DISP3: variants seen among roughly 807,000 people sequenced by gnomAD.
DISP3 encodes the protein protein dispatched homolog 3.
DISP3 carries 101 observed loss-of-function variants against 135.3 expected under a neutral mutation model. The observed-to-expected ratio is 0.75, with a 90% CI of 0.64 to 0.88. The LOEUF (loss-of-function observed/expected upper bound fraction) is 0.88. Ranked by LOEUF, DISP3 falls within the 40% of genes least tolerant of loss-of-function variation. The probability of loss-of-function intolerance (pLI) is 0.00; values close to 1 mark genes in which losing one functional copy is unlikely to be tolerated. For synonymous variants in DISP3, 856 were observed against 817.0 expected (o/e 1.05, Z -0.81); for missense variants, 1,713 against 1,878.6 (o/e 0.91, Z 1.63).
chr1:11,530,837 G>A (rs959148929), intron 15 of DISP3, 70 bp from the exon 16 acceptor site: 8 of 1,588,544 alleles, frequency 5.0e-6, no homozygotes, highest in South Asian at 2.2e-5. Flanking sequence ...CCAGGGTTGG[G>A]GGTGAGCACC....
chr1:11,524,467 C>T (rs1037305299), intron 11 of DISP3, among the ~76,000 whole-genome samples: 14 of 152,008 alleles, frequency 9.2e-5, no homozygotes, highest in African/African-American at 3.4e-4. Context: ...CTGTTGCCAC[C>T]TCTCTCCTAC....
chr1:11,531,810 A>C lies in DISP3; in HGVS notation c.3375+100A>C. Reference sequence around the variant, plus strand: ...TTCCCAGATCGGGGGGGAGATGCTGAGGCCCAGAGAGGTGGAGTGACTTGC... The same window carrying C: ...TTCCCAGATCGGGGGGGAGATGCTGCGGCCCAGAGAGGTGGAGTGACTTGC... On this transcript the variant is annotated intron_variant, in intron 17 of 20. Coordinates refer to ENST00000294484, the MANE Select transcript of DISP3 (RefSeq NM_020780.2). The surrounding 1 kb of genome is among the most constrained non-coding windows in gnomAD (Gnocchi z 5.2). 6 of 1,458,954 alleles carry C rather than the reference A, an allele frequency of 4.1e-6. No homozygotes were observed. In the South Asian group the frequency reaches 8.4e-5, roughly 20 times the overall value. The allele number at this position is 1,458,954 out of a possible 1,614,324, so 90.4% of individuals were successfully genotyped here.
chr1:11,498,713 T>C lies in DISP3; in HGVS notation c.-3-2277T>C, dbSNP rs139615064. 3.0e-3 allele frequency among the ~76,000 whole-genome samples: 454 copies of C among 152,264 alleles called. 1 individual carries two copies. The highest frequency in any genetic ancestry group is 9.6e-3 in the African/African-American group (397 of 41,554). On this transcript the variant is annotated intron_variant, in intron 1 of 20. Transcript: ENST00000294484. ...TTCCAGCCTTTGGAGGGAAGTAGCA[T>C]ATGAAAGAATAGTAGCTGTCATTTC...
At chr1:11,485,775 T>G (rs2100355514) in intron 1 of DISP3, among the ~76,000 whole-genome samples, 1 of 152,294 alleles carries the variant, frequency 6.6e-6, no homozygotes, top group East Asian at 1.9e-4. Flanking sequence ...TCCTCATACC[T>G]GCTCAGCAAG....
At chr1:11,522,640 G>GA (rs1642247072) in intron 10 of DISP3, among the ~76,000 whole-genome samples, 7 of 44,298 alleles carry the variant, frequency 1.6e-4, no homozygotes, top group South Asian at 8.0e-4. Context: ...CCCAGCCAGA[G>GA]CCCAGCCAGG....
At chr1:11,485,068 C>T (rs915620357) in intron 1 of DISP3, among the ~76,000 whole-genome samples, 3 of 152,136 alleles carry the variant, frequency 2.0e-5, no homozygotes, top group Non-Finnish European at 2.9e-5. Context: ...GGAAAGGTCT[C>T]TGTCTCTGTC....
intron 1 of DISP3, among the ~76,000 whole-genome samples, chr1:11,484,928 C>G (rs1640994940): frequency 1.3e-5 from 2 of 152,184 alleles, no homozygotes; most frequent in African/African-American, 4.8e-5. Context: ...TCACAAGCAT[C>G]TGCCTGAGTA....
At chr1:11,521,055 G>T (rs1642173490) in intron 10 of DISP3, among the ~76,000 whole-genome samples, 1 of 152,132 alleles carries the variant, frequency 6.6e-6, no homozygotes, top group Admixed American at 6.5e-5. Context: ...AGGTACTGTG[G>T]GCGGGAGGCA....
intron 18 of DISP3, 152 bp from the exon 19 acceptor site, chr1:11,534,859 C>T: frequency 1.2e-6 from 1 of 837,784 alleles, no homozygotes; most frequent in African/African-American, 1.7e-5. Flanking sequence ...TTCTCTTCAA[C>T]TCCAAACAAG....
At chr1:11,524,402 T>A (rs1642346415) in intron 11 of DISP3, among the ~76,000 whole-genome samples, 1 of 151,970 alleles carries the variant, frequency 6.6e-6, no homozygotes, top group South Asian at 2.1e-4. Flanking sequence ...TCAAGTGTAC[T>A]GGGGGAATGA....
In DISP3 at chr1:11,501,029, T is replaced by C. The variant is rs776438342; in HGVS notation, c.37T>C (p.Trp13Arg). 7 of 1,614,112 alleles carry C rather than the reference T, an allele frequency of 4.3e-6. No individual in the cohort carries two copies. Among genetic ancestry groups the C allele is most frequent in the Non-Finnish European group, 3.4e-6 (4 of 1,180,006 alleles). ...GGATGACCCCTTGCTGCAGGATGTG[T>C]GGCTAGAGGAGGAGCAGGAGGAGGA... ...TEDDPLLQDV[W>R]LEEEQEEEEA... The change falls in exon 2 of 21, where the codon TGG (tryptophan) becomes CGG (arginine). Residue 13 changes from tryptophan (W) to arginine (R), a missense_variant. By Grantham distance (101) the Trp-to-Arg change is moderately radical (BLOSUM62 -3). Around this residue, in one of 2 missense-constraint regions of DISP3, gnomAD observed 571 missense variants for 494.1 expected, o/e 1.16. Transcript: ENST00000294484. This position sits in a 1 kb window ranked among gnomAD's most constrained non-coding sequence, Gnocchi z 4.9.
In DISP3 at chr1:11,529,471, A is replaced by T. The variant is rs1484196657; in HGVS notation, c.2799-85A>T. On this transcript the variant is annotated intron_variant, in intron 13 of 20. Coordinates refer to ENST00000294484, the MANE Select transcript of DISP3 (RefSeq NM_020780.2). The surrounding 1 kb of genome is among the most constrained non-coding windows in gnomAD (Gnocchi z 4.7). Reference sequence around the variant, plus strand: ...CCAGACCCCATGACACCCCAGCCCCAGTCCCAACCCTGGCCTGCTGGCCTC... The same window carrying T: ...CCAGACCCCATGACACCCCAGCCCCTGTCCCAACCCTGGCCTGCTGGCCTC... 2.8e-6 allele frequency: 4 copies of T among 1,449,784 alleles called. No homozygotes were observed. The highest frequency in any genetic ancestry group is 3.7e-6 in the Non-Finnish European group (4 of 1,076,212). The allele number at this position is 1,449,784 out of a possible 1,614,324, so 89.8% of individuals were successfully genotyped here. A position where few individuals can be genotyped will look rare whatever the true frequency, so the allele number is the denominator to read the frequency against.
intron 1 of DISP3, among the ~76,000 whole-genome samples, chr1:11,485,355 C>T (rs1641009548): frequency 6.6e-6 from 1 of 152,180 alleles, no homozygotes; most frequent in Admixed American, 6.5e-5. Flanking sequence ...GCTCACTCCG[C>T]CCAGCCATCT....
Position 11,519,676 on chromosome 1 carries a change from G to T in DISP3, c.2039-43G>T. The T allele has an allele frequency of 6.3e-7, 1 of 1,598,142 alleles. No individual in the cohort carries two copies. ...TGGAAGCGAGCGTGGACCACAGTGG[G>T]CTTTGATTCAGGCTCTGACGGGCCA... On this transcript the variant is annotated intron_variant, in intron 8 of 20. Transcript: ENST00000294484. This position sits in a 1 kb window ranked among gnomAD's most constrained non-coding sequence, Gnocchi z 4.3.
At chr1:11,514,877 C>G (rs1164399884) in intron 4 of DISP3, among the ~76,000 whole-genome samples, 1 of 152,172 alleles carries the variant, frequency 6.6e-6, no homozygotes, top group African/African-American at 2.4e-5. Flanking sequence ...AAGTCAACTG[C>G]CATCTGCCCC....
chr1:11,535,048 G>C lies in DISP3; in HGVS notation c.3573G>C (p.Leu1191=). The C allele has an allele frequency of 6.2e-7, 1 of 1,603,838 alleles. No homozygotes were observed. Among genetic ancestry groups the C allele is most frequent in the Non-Finnish European group, 8.5e-7 (1 of 1,176,848 alleles). The change falls in exon 19 of 21, where the codon CTG becomes CTC. Residue 1191 remains leucine (L), a synonymous_variant. Transcript: ENST00000294484. ...QSALCGLVLS[L]LICVAAVAVF... ...CCCTGTGCGGCCTGGTGCTATCCCTGCTCATCTGCGTGGCCGCGGTGGCCG... is the reference window on the plus strand; with the variant it reads ...CCCTGTGCGGCCTGGTGCTATCCCTCCTCATCTGCGTGGCCGCGGTGGCCG...
chr1:11,501,719 G>A lies in DISP3; in HGVS notation c.727G>A (p.Ala243Thr), dbSNP rs925083588. The A allele has an allele frequency of 6.9e-6, 11 of 1,597,788 alleles. No homozygotes were observed. Among genetic ancestry groups the A allele is most frequent in the African/African-American group, 1.3e-5 (1 of 74,664 alleles). ...CAGCATCCCGCCCCACGCGGCAGTC[G>A]CGGCCAATCAGAGCCGTGCCCGCCG... ...QPSIPPHAAV[A>T]ANQSRARRGA... The change falls in exon 2 of 21, where the codon GCG (alanine) becomes ACG (threonine). Residue 243 changes from alanine to threonine, a missense_variant. This residue lies in a region of DISP3 where 571 missense variants were observed against 494.1 expected (regional missense o/e 1.16). Transcript: ENST00000294484. This position sits in a 1 kb window ranked among gnomAD's most constrained non-coding sequence, Gnocchi z 4.9.
At chr1:11,511,332 C>T (rs1420800835) in intron 3 of DISP3, among the ~76,000 whole-genome samples, 1 of 152,202 alleles carries the variant, frequency 6.6e-6, no homozygotes, top group Non-Finnish European at 1.5e-5. Flanking sequence ...AAATCAGAAG[C>T]AAGCTAGTTA....
rs1641594994 is a variant in DISP3 at position 11,502,988 on chromosome 1, A to G, written c.1316+91A>G. ...TAAACCCCATATCCCTTTCCCTATA[A>G]TCTTTTCCTTTGGAAGTCTTTCTTT... On this transcript the variant is annotated intron_variant, in intron 3 of 20. Coordinates refer to ENST00000294484, the MANE Select transcript of DISP3 (RefSeq NM_020780.2). 4 of 1,147,964 alleles carry G rather than the reference A, an allele frequency of 3.5e-6. No individual in the cohort carries two copies. In the South Asian group the frequency reaches 4.8e-5, roughly 14 times the overall value. 71.1% of individuals were successfully genotyped at this position (1,147,964 alleles called of 1,614,324 possible).
Sources: gnomAD v4.1 joint callset for allele counts (sites outside exome capture counted in the v4.1 genomes callset) on GRCh38, gnomAD v4.1.1 for gene constraint, gnomAD v4.1.1 regional missense constraint, Gnocchi (gnomAD v3.1) non-coding constraint, MANE v1.5 for transcripts, NCBI Gene and HGNC (gene_info 2026-07-23, HGNC 2026-07-21) for gene names.